FAM184A: variants seen among roughly 807,000 people sequenced by gnomAD.
FAM184A encodes the protein family with sequence similarity 184 member A, also known as protein FAM184A.
In FAM184A, 99 loss-of-function variants were observed where a neutral mutation model predicts 143.8. That is an observed-to-expected ratio of 0.69 (90% CI 0.58 to 0.81). The LOEUF (loss-of-function observed/expected upper bound fraction) is 0.81. Among genes scored for constraint, FAM184A ranks in the 40% least tolerant of loss-of-function variants. FAM184A has a pLI of 0.00. For missense variants in FAM184A, 1,217 were observed against 1,310.5 expected (o/e 0.93, Z 1.10); for synonymous variants, 427 against 446.4 (o/e 0.96, Z 0.55).
At chr6:119,095,105 G>C (rs1404921248) in intron 1 of FAM184A, among the ~76,000 whole-genome samples, 3 of 152,136 alleles carry the variant, frequency 2.0e-5, no homozygotes, top group African/African-American at 7.2e-5. Flanking sequence ...AAAAATCAAA[G>C]GTGGGCTGAG....
At chr6:118,965,804 C>A (rs1457791731) in intron 15 of FAM184A, among the ~76,000 whole-genome samples, 1 of 152,182 alleles carries the variant, frequency 6.6e-6, no homozygotes, top group Non-Finnish European at 1.5e-5. Context: ...AATTATAACA[C>A]CTCCTCAGTA....
chr6:118,990,399 A>G (rs920820820), intron 9 of FAM184A, among the ~76,000 whole-genome samples: 2 of 152,124 alleles, frequency 1.3e-5, no homozygotes, highest in African/African-American at 4.8e-5. Flanking sequence ...ACCTCTGTCC[A>G]CACCCAGTTG....
rs373068499 is a variant in FAM184A at position 119,024,289 on chromosome 6, C to T, written c.684G>A (p.Glu228=). 13 of 1,614,062 alleles carry T rather than the reference C, an allele frequency of 8.1e-6. No individual in the cohort carries two copies. The African/African-American group carries it at 1.6e-4, about 20-fold the overall frequency. The change falls in exon 2 of 18, where the codon GAG becomes GAA. Residue 228 remains glutamate, a synonymous_variant. Coordinates refer to ENST00000338891, the MANE Select transcript of FAM184A (RefSeq NM_024581.6). ...GCTCCTCAAGCATTTTGTTTAGGGA[C>T]TCCACCTCCATTCTGTGTAGTTCCT... The part of the protein sequence containing the change: ...KAEELHRMEV[E]SLNKMLEELR...
intron 1 of FAM184A, among the ~76,000 whole-genome samples, chr6:119,043,931 A>G (rs1161102370): frequency 1.3e-5 from 2 of 152,208 alleles, no homozygotes; most frequent in Admixed American, 6.5e-5. Context: ...CAATAACCTA[A>G]ATTCACACCT....
intron 7 of FAM184A, among the ~76,000 whole-genome samples, chr6:119,004,753 G>A (rs1762200): frequency 9.9e-5 from 15 of 151,898 alleles, no homozygotes; most frequent in African/African-American, 3.4e-4. Flanking sequence ...AGAAAATGAA[G>A]AATTGATAGA....
intron 2 of FAM184A, among the ~76,000 whole-genome samples, 191 bp downstream of exon 2, chr6:119,023,768 T>C (rs1785534606): frequency 2.8e-5 from 4 of 142,716 alleles, no homozygotes. Context: ...AACTACAGGG[T>C]AATACAAATT....
At chr6:119,060,770 T>G (rs1422403741) in intron 1 of FAM184A, among the ~76,000 whole-genome samples, 2 of 152,158 alleles carry the variant, frequency 1.3e-5, no homozygotes, top group African/African-American at 4.8e-5. Flanking sequence ...TTTAAAACTG[T>G]GTAGCACCTC....
chr6:119,119,821 A>C (rs1183021596), intron 1 of FAM184A, among the ~76,000 whole-genome samples: 1 of 152,038 alleles, frequency 6.6e-6, no homozygotes, highest in African/African-American at 2.4e-5. Flanking sequence ...ATACAAAAAA[A>C]TAAAAAAATA....
chr6:119,022,341 A>C (rs1480995944), intron 3 of FAM184A, among the ~76,000 whole-genome samples: 1 of 151,552 alleles, frequency 6.6e-6, no homozygotes, highest in African/African-American at 2.4e-5. Flanking sequence ...TTATAGGTGT[A>C]AGCCACCATG....
chr6:118,960,686 T>C, intron 17 of FAM184A: 1 of 554,794 alleles, frequency 1.8e-6, no homozygotes, highest in Admixed American at 3.3e-5. Flanking sequence ...ATTTCCCCCG[T>C]TATTGATGTT....
intron 1 of FAM184A, among the ~76,000 whole-genome samples, chr6:119,063,679 A>C (rs865962992): frequency 6.6e-6 from 1 of 152,204 alleles, no homozygotes; most frequent in East Asian, 1.9e-4. Context: ...ATTAAACAGC[A>C]TAAGAAAATA....
intron 6 of FAM184A, chr6:119,009,626 T>A (rs991199687): frequency 6.6e-6 from 1 of 152,238 alleles, no homozygotes. Flanking sequence ...ACTGGTATTC[T>A]TACAATTCCT....
chr6:119,004,821 G>A (rs1182311933), intron 7 of FAM184A, among the ~76,000 whole-genome samples: 1 of 152,054 alleles, frequency 6.6e-6, no homozygotes, highest in Non-Finnish European at 1.5e-5. Context: ...ATGTAAATAT[G>A]AAAAAAGACC....
intron 14 of FAM184A, among the ~76,000 whole-genome samples, chr6:118,969,648 TAC>T (rs1173466933): frequency 6.6e-6 from 1 of 152,158 alleles, no homozygotes; most frequent in African/African-American, 2.4e-5. Flanking sequence ...CAACTGGTGA[TAC>T]AGTTTTGTTT....
intron 1 of FAM184A, among the ~76,000 whole-genome samples, chr6:119,100,670 C>T (rs1267066845): frequency 6.8e-6 from 1 of 146,932 alleles, no homozygotes; most frequent in African/African-American, 2.7e-5. Context: ...ATTAAAAATA[C>T]TCTAGGCTGG....
chr6:119,038,455 A>G (rs930680611), intron 1 of FAM184A, among the ~76,000 whole-genome samples: 11 of 152,178 alleles, frequency 7.2e-5, no homozygotes, highest in Non-Finnish European at 1.3e-4. Context: ...GCAGTAAAGG[A>G]GTCAGCTAAA....
chr6:118,975,751 C>A lies in FAM184A; in HGVS notation c.2583+166G>T, dbSNP rs9401111. ...CTCCAGCCTCAGTGACAAAGCGAGA[C>A]CCTGTCTCAAATAAATAAATAACTG... is the stretch of plus-strand genomic sequence containing the variant. On this transcript the variant is annotated intron_variant, in intron 12 of 17. Coordinates refer to ENST00000338891, the MANE Select transcript of FAM184A (RefSeq NM_024581.6). Among the ~76,000 whole-genome samples the A allele has an allele frequency of 4.4e-3, 668 of 152,248 alleles. 11 individuals are homozygous for A. Among genetic ancestry groups the A allele is most frequent in the East Asian group, 0.039 (202 of 5,190 alleles).
intron 1 of FAM184A, among the ~76,000 whole-genome samples, chr6:119,134,669 A>AG (rs1789616544): frequency 6.8e-6 from 1 of 146,818 alleles, no homozygotes; most frequent in African/African-American, 2.5e-5. Context: ...AAAAAAAAAA[A>AG]GAGAAAGAAA....
intron 1 of FAM184A, among the ~76,000 whole-genome samples, chr6:119,050,578 G>A (rs566488950): frequency 8.5e-5 from 13 of 152,068 alleles, no homozygotes; most frequent in African/African-American, 2.7e-4. Context: ...AGGCTGAGGC[G>A]GGTGGATCAT....
Sources: allele counts gnomAD v4.1 joint callset (sites outside exome capture counted in the v4.1 genomes callset), GRCh38; gene constraint gnomAD v4.1.1; transcripts MANE v1.5; gene names NCBI Gene and HGNC (gene_info 2026-07-23, HGNC 2026-07-21).